The following CAMK1D variants were observed in gnomAD, a reference collection of about 807,000 sequenced individuals.
CAMK1D encodes the protein calcium/calmodulin dependent protein kinase ID, also known as calcium/calmodulin-dependent protein kinase type 1D.
Under a neutral mutation model 47.7 loss-of-function variants are expected in CAMK1D, and 9 were observed. The observed-to-expected ratio is 0.19, with a 90% confidence interval of 0.11 to 0.33. The LOEUF (loss-of-function observed/expected upper bound fraction) is 0.33, where lower values mean the gene tolerates loss of function less well. Ranked by LOEUF, CAMK1D falls within the 10% of genes least tolerant of loss-of-function variation. The pLI, the probability that CAMK1D is intolerant of heterozygous loss-of-function variation, is 1.00. For missense variants in CAMK1D, 291 were observed against 488.7 expected (o/e 0.60, Z 3.81); for synonymous variants, 184 against 184.9 (o/e 0.99, Z 0.04).
At chr10:12,419,609 A>T (rs1839977268) in intron 1 of CAMK1D, among the ~76,000 whole-genome samples, 1 of 151,298 alleles carries the variant, frequency 6.6e-6, no homozygotes, top group Middle Eastern at 3.2e-3. Flanking sequence ...GAAGCCAGAA[A>T]GTGATTCAGT....
At chr10:12,383,386 C>T (rs969597941) in intron 1 of CAMK1D, among the ~76,000 whole-genome samples, 8 of 152,054 alleles carry the variant, frequency 5.3e-5, no homozygotes, top group Non-Finnish European at 1.2e-4. Context: ...AGAACATGCT[C>T]AGAATAAAGC....
intron 3 of CAMK1D, among the ~76,000 whole-genome samples, chr10:12,726,902 A>C (rs570907156): frequency 6.6e-6 from 1 of 152,354 alleles, no homozygotes; most frequent in African/African-American, 2.4e-5. Context: ...CCAGGTGAGA[A>C]TTCATTTGAA....
At chr10:12,415,435 C>A (rs1266233725) in intron 1 of CAMK1D, among the ~76,000 whole-genome samples, 3 of 150,440 alleles carry the variant, frequency 2.0e-5, no homozygotes, top group African/African-American at 7.3e-5. Flanking sequence ...ATTACAGGCA[C>A]CCACCACCAC....
chr10:12,778,963 CT>C (rs879932383), intron 5 of CAMK1D, among the ~76,000 whole-genome samples: 11 of 152,130 alleles, frequency 7.2e-5, no homozygotes, highest in Non-Finnish European at 1.3e-4. Context: ...AAGGGTAGGA[CT>C]TGAGCAAAAG....
In CAMK1D at chr10:12,488,768, G is replaced by C. The variant is rs552852987; in HGVS notation, c.93-64457G>C. 3.5e-3 allele frequency among the ~76,000 whole-genome samples: 531 copies of C among 152,118 alleles called. 2 individuals carry two copies. Among genetic ancestry groups the C allele is most frequent in the African/African-American group, 0.013 (520 of 41,468 alleles). ...AAGGAGTGTGGAACCTAGATCCCTC[G>C]CGTGCGCAGTTCACAATAGGGTTCA... On this transcript the variant is annotated intron_variant, in intron 1 of 10. Transcript: ENST00000619168.
chr10:12,694,626 T>A lies in CAMK1D; in HGVS notation c.299+27816T>A, dbSNP rs560945310. Among the ~76,000 whole-genome samples the A allele has an allele frequency of 1.8e-3, 238 of 131,630 alleles. 2 individuals are homozygous for A. The Middle Eastern group carries it at 0.033, about 18-fold the overall frequency. 86.4% of individuals were successfully genotyped at this position (131,630 alleles called of 152,430 possible). ...TATATAAAATACATATAATATATATTAAAATATAACTGTATAATTTTTCCA... is the reference window on the plus strand; with the variant it reads ...TATATAAAATACATATAATATATATAAAAATATAACTGTATAATTTTTCCA... On this transcript the variant is annotated intron_variant, in intron 3 of 10. Coordinates refer to ENST00000619168, the MANE Select transcript of CAMK1D (RefSeq NM_153498.4).
intron 1 of CAMK1D, among the ~76,000 whole-genome samples, chr10:12,353,047 A>G (rs1472760531): frequency 1.3e-5 from 2 of 151,966 alleles, no homozygotes; most frequent in Non-Finnish European, 2.9e-5. Context: ...GCCTCTGTGT[A>G]CTTTCTAGAA....
intron 3 of CAMK1D, among the ~76,000 whole-genome samples, chr10:12,751,096 GA>G (rs1835944858): frequency 2.4e-5 from 3 of 126,902 alleles, no homozygotes; most frequent in African/African-American, 1.1e-4. Flanking sequence ...GATAAGATAA[GA>G]TAAGATAAGA....
chr10:12,456,614 A>T (rs1015069324), intron 1 of CAMK1D: 1 of 152,090 alleles, frequency 6.6e-6, no homozygotes, highest in Non-Finnish European at 1.5e-5. Context: ...GCCTGTCTCT[A>T]CAAAAATTTA....
At chr10:12,465,147 A>G (rs1356925942) in intron 1 of CAMK1D, among the ~76,000 whole-genome samples, 1 of 152,200 alleles carries the variant, frequency 6.6e-6, no homozygotes, top group Non-Finnish European at 1.5e-5. Context: ...GAAGGATAAG[A>G]TAGTGGGGCA....
Position 12,760,936 on chromosome 10 carries a change from CT to C in CAMK1D, c.300-6del. 1 of 1,609,890 alleles carries C rather than the reference CT, an allele frequency of 6.2e-7. No homozygotes were observed. Among genetic ancestry groups the C allele is most frequent in the Non-Finnish European group, 8.5e-7 (1 of 1,176,556 alleles). On this transcript the variant is annotated splice_polypyrimidine_tract_variant and intron_variant, in intron 3 of 10. Coordinates refer to ENST00000619168, the MANE Select transcript of CAMK1D (RefSeq NM_153498.4). ...GATCCTTTCAAACTTCTAATATGTT[CT>C]TTTTTGCCAGGGTGTCCGGTGGAGA...
At chr10:12,387,317 C>T (rs951617252) in intron 1 of CAMK1D, among the ~76,000 whole-genome samples, 3 of 139,306 alleles carry the variant, frequency 2.2e-5, no homozygotes, top group African/African-American at 8.0e-5. Flanking sequence ...TATATAATGG[C>T]TAACTTTCAT....
intron 1 of CAMK1D, among the ~76,000 whole-genome samples, chr10:12,373,149 T>C (rs41325747): frequency 0.33 from 49,728 of 151,736 alleles, 8,266 homozygotes; most frequent in Middle Eastern, 0.39. Context: ...AAATTGGTAC[T>C]GTGTCCATGC....
At chr10:12,617,305 A>G (rs1403075902) in intron 2 of CAMK1D, among the ~76,000 whole-genome samples, 1 of 152,230 alleles carries the variant, frequency 6.6e-6, no homozygotes, top group African/African-American at 2.4e-5. Flanking sequence ...TTCCTAGAAG[A>G]CAAATGAGGA....
At chr10:12,655,989 T>C (rs1840105843) in intron 2 of CAMK1D, among the ~76,000 whole-genome samples, 1 of 152,266 alleles carries the variant, frequency 6.6e-6, no homozygotes, top group Non-Finnish European at 1.5e-5. Context: ...ATAGATACCT[T>C]AATGCACTTT....
At chr10:12,821,584 G>A (rs573564981) in intron 8 of CAMK1D, among the ~76,000 whole-genome samples, 34 of 152,344 alleles carry the variant, frequency 2.2e-4, no homozygotes, top group African/African-American at 8.2e-4. Flanking sequence ...GAAAGGCAGG[G>A]GAGACTAGGC....
In CAMK1D at chr10:12,801,971, C is replaced by T. The variant is rs867703503; in HGVS notation, c.641+10738C>T. ...TGACTTCCTGGCTGAGGAAGACTTG[C>T]CACACAAGGAAAAAGTCGCCCTTTT... On this transcript the variant is annotated intron_variant, in intron 6 of 10. Coordinates refer to ENST00000619168, the MANE Select transcript of CAMK1D (RefSeq NM_153498.4). 2.6e-5 allele frequency among the ~76,000 whole-genome samples: 4 copies of T among 152,254 alleles called. 1 individual carries two copies. In the South Asian group the frequency reaches 6.2e-4, roughly 24 times the overall value.
rs1201573872 is a variant in CAMK1D at position 12,734,322 on chromosome 10, C to CAAAAA, written c.300-26606_300-26602dup. Among the ~76,000 whole-genome samples, 2 of 23,578 alleles carry CAAAAA rather than the reference C, an allele frequency of 8.5e-5. 1 individual carries two copies. The highest frequency in any genetic ancestry group is 5.3e-4 in the African/African-American group (2 of 3,748). The allele number at this position is 23,578 out of a possible 152,430, so 15.5% of individuals were successfully genotyped here. A position where few individuals can be genotyped will look rare whatever the true frequency, so the allele number is the denominator to read the frequency against. On this transcript the variant is annotated intron_variant, in intron 3 of 10. Transcript: ENST00000619168. ...TGGGCAACACAGCGAGACTCCATCT[C>CAAAAA]AAAAAAAAAAAAAAAAAAAAAAAAT... is the stretch of plus-strand genomic sequence containing the variant.
intron 2 of CAMK1D, among the ~76,000 whole-genome samples, chr10:12,665,577 G>T (rs1840403469): frequency 6.6e-6 from 1 of 152,182 alleles, no homozygotes; most frequent in Non-Finnish European, 1.5e-5. Context: ...GTCTTTAAAT[G>T]GTTCAGCAGT....
Sources: allele counts gnomAD v4.1 joint callset (sites outside exome capture counted in the v4.1 genomes callset), GRCh38; gene constraint gnomAD v4.1.1; transcripts MANE v1.5; gene names NCBI Gene and HGNC (gene_info 2026-07-23, HGNC 2026-07-21).